GUCY2C: variants seen among roughly 807,000 people sequenced by gnomAD.
The protein encoded by GUCY2C is guanylyl cyclase C.
GUCY2C carries 118 observed loss-of-function variants against 131.1 expected under a neutral mutation model. That is an observed-to-expected ratio of 0.90 (90% CI 0.78 to 1.05). GUCY2C has a LOEUF of 1.05. Ranked by LOEUF, GUCY2C falls within the 50% of genes least tolerant of loss-of-function variation. The pLI, the probability that GUCY2C is intolerant of heterozygous loss-of-function variation, is 0.00. For missense variants in GUCY2C, 1,161 were observed against 1,304.4 expected (o/e 0.89, Z 1.69); for synonymous variants, 452 against 457.8 (o/e 0.99, Z 0.16).
chr12:14,692,353 G>T (rs954300687), intron 1 of GUCY2C, among the ~76,000 whole-genome samples: 130 of 151,326 alleles, frequency 8.6e-4, no homozygotes, highest in African/African-American at 2.4e-3. Context: ...CACTCGCTTT[G>T]TTTTTTTTCT....
At chr12:14,656,305 C>T (rs1366465162) in intron 12 of GUCY2C, among the ~76,000 whole-genome samples, 1 of 152,148 alleles carries the variant, frequency 6.6e-6, no homozygotes, top group Admixed American at 6.5e-5. Context: ...ATCTCAGCCT[C>T]CAGGGAAGTG....
chr12:14,669,810 A>G lies in GUCY2C; in HGVS notation c.1194T>C (p.Asp398=), dbSNP rs752732639. 6.3e-7 allele frequency: 1 copy of G among 1,585,928 alleles called. No homozygotes were observed. ...TKKYKVLLTY[D]THVNKTYPVD... ...CAGGATAGGTCTTATTTACGTGGGTATCATAGGTCAAAAGAACCTTGTACT... is the reference window on the plus strand; with the variant it reads ...CAGGATAGGTCTTATTTACGTGGGTGTCATAGGTCAAAAGAACCTTGTACT... Residue 398 remains aspartate (D), a synonymous_variant, in exon 10 of 27, where the codon GAT becomes GAC. Coordinates refer to ENST00000261170, the MANE Select transcript of GUCY2C (RefSeq NM_004963.4).
At position 14,681,484 on chromosome 12, in the gene GUCY2C, TA is replaced by T; in HGVS notation, c.612-8del. On this transcript the variant is annotated splice_region_variant and splice_polypyrimidine_tract_variant and intron_variant, in intron 4 of 26. Transcript: ENST00000261170. ...CTCCAGAGCATTAAGGTACCTGGAA[TA>T]GGAAAAAGAGAAACTAAAACAGCTT... 6.8e-7 allele frequency: 1 copy of T among 1,472,964 alleles called. No individual in the cohort carries two copies. Among genetic ancestry groups the T allele is most frequent in the Admixed American group, 2.2e-5 (1 of 45,058 alleles). The allele number at this position is 1,472,964 out of a possible 1,614,324, so 91.2% of individuals were successfully genotyped here. A position where few individuals can be genotyped will look rare whatever the true frequency, so the allele number is the denominator to read the frequency against.
intron 3 of GUCY2C, 58 bp downstream of exon 3, chr12:14,686,103 T>A: frequency 9.6e-7 from 1 of 1,040,752 alleles, no homozygotes; most frequent in South Asian, 1.3e-5. Context: ...TGTTGTTTGA[T>A]GAGTCCTTTA....
chr12:14,625,413 C>T lies in GUCY2C; in HGVS notation c.2408+344G>A, dbSNP rs10219619. 3.6e-3 allele frequency among the ~76,000 whole-genome samples: 551 copies of T among 151,904 alleles called. 2 individuals are homozygous for T. Among genetic ancestry groups the T allele is most frequent in the African/African-American group, 0.012 (502 of 41,378 alleles). Reference sequence around the variant, plus strand: ...CGCGATCTTGGCTCACTGCAACCTCCGCATCTTGGGTTCACTCCATTCTCC... The same window carrying T: ...CGCGATCTTGGCTCACTGCAACCTCTGCATCTTGGGTTCACTCCATTCTCC... On this transcript the variant is annotated intron_variant, in intron 21 of 26. Transcript: ENST00000261170.
At chr12:14,652,081 C>A in intron 13 of GUCY2C, 51 bp from the exon 14 acceptor site, 1 of 986,540 alleles carries the variant, frequency 1.0e-6, no homozygotes, top group South Asian at 1.3e-5. Context: ...TAACTCTTTA[C>A]ATGCATATTA....
chr12:14,694,612 G>T (rs775713481), intron 1 of GUCY2C, among the ~76,000 whole-genome samples: 9 of 152,268 alleles, frequency 5.9e-5, no homozygotes, highest in Admixed American at 1.3e-4. Context: ...CGGTAAATAA[G>T]GGGACTTCAC....
At position 14,619,206 on chromosome 12, in the gene GUCY2C, C is replaced by T. The variant is rs937063178; in HGVS notation, c.2875+5G>A. 6 of 1,552,792 alleles carry T rather than the reference C, an allele frequency of 3.9e-6. No homozygotes were observed. Among genetic ancestry groups the T allele is most frequent in the Non-Finnish European group, 5.3e-6 (6 of 1,124,490 alleles). ...TCCTCTGAGAAAAACAGTCTCCCTT[C>T]TTACGGAGGCCAGTGGATTCCATCC... On this transcript the variant is annotated splice_donor_5th_base_variant and intron_variant, in intron 24 of 26. Coordinates refer to ENST00000261170, the MANE Select transcript of GUCY2C (RefSeq NM_004963.4).
intron 19 of GUCY2C, among the ~76,000 whole-genome samples, chr12:14,629,620 T>C (rs1035097273): frequency 2.0e-5 from 3 of 152,250 alleles, no homozygotes; most frequent in Non-Finnish European, 4.4e-5. Context: ...TGCATCTTGT[T>C]ATTGGGCCAC....
rs546202739 is a variant in GUCY2C, at chr12:14,678,830, T to G, written c.830+827A>C. ...ACACCTTCTTCAAGCCTAACTTGACTCAAATATTACTTTGGCACAGCTTGT... is the reference window on the plus strand; with the variant it reads ...ACACCTTCTTCAAGCCTAACTTGACGCAAATATTACTTTGGCACAGCTTGT... On this transcript the variant is annotated intron_variant, in intron 6 of 26. Coordinates refer to ENST00000261170, the MANE Select transcript of GUCY2C (RefSeq NM_004963.4). Among the ~76,000 whole-genome samples, 7 of 152,270 alleles carry G rather than the reference T, an allele frequency of 4.6e-5. No individual in the cohort carries two copies. The East Asian group carries it at 1.3e-3, about 29-fold the overall frequency.
chr12:14,632,572 T>C (rs1025030122), intron 19 of GUCY2C, among the ~76,000 whole-genome samples: 2 of 152,202 alleles, frequency 1.3e-5, no homozygotes. Context: ...TCTCTATTCT[T>C]TTTAGATGTT....
intron 9 of GUCY2C, 117 bp from the exon 10 acceptor site, chr12:14,669,950 A>C: frequency 1.9e-6 from 1 of 536,482 alleles, no homozygotes; most frequent in Admixed American, 3.8e-5. Flanking sequence ...TCTCAGTGAA[A>C]AAAGGCAACT....
At chr12:14,686,127 T>C in intron 3 of GUCY2C, 34 bp downstream of exon 3, 2 of 1,294,042 alleles carry the variant, frequency 1.5e-6, no homozygotes, top group Non-Finnish European at 2.2e-6. Context: ...TGCAATATCA[T>C]GTCCTGACTT....
chr12:14,640,336 C>T (rs949568109), intron 18 of GUCY2C, among the ~76,000 whole-genome samples: 7 of 151,530 alleles, frequency 4.6e-5, no homozygotes, highest in African/African-American at 1.7e-4. Context: ...GTGCACCTGT[C>T]GTCCCAGCTA....
At chr12:14,695,803 C>T (rs1948645667) in intron 1 of GUCY2C, among the ~76,000 whole-genome samples, 1 of 152,002 alleles carries the variant, frequency 6.6e-6, no homozygotes, top group Admixed American at 6.6e-5. Context: ...TGGAACCGGG[C>T]AATAAACTGA....
At chr12:14,681,830 G>A (rs1948353645) in intron 4 of GUCY2C, among the ~76,000 whole-genome samples, 1 of 152,156 alleles carries the variant, frequency 6.6e-6, no homozygotes, top group Non-Finnish European at 1.5e-5. Context: ...ATTTGTGATG[G>A]TTTCTGGCTG....
chr12:14,680,631 A>G (rs1948329995), intron 5 of GUCY2C, among the ~76,000 whole-genome samples: 1 of 152,188 alleles, frequency 6.6e-6, no homozygotes, highest in South Asian at 2.1e-4. Flanking sequence ...AATTCTGTGG[A>G]AAGTGCAACA....
chr12:14,693,645 T>C, intron 1 of GUCY2C, among the ~76,000 whole-genome samples: 1 of 152,256 alleles, frequency 6.6e-6, no homozygotes, highest in East Asian at 1.9e-4. Flanking sequence ...TTGTGTTTAC[T>C]ATGCATGCAT....
At chr12:14,622,874 A>C (rs1946923757) in intron 21 of GUCY2C, among the ~76,000 whole-genome samples, 1 of 151,514 alleles carries the variant, frequency 6.6e-6, no homozygotes, top group Non-Finnish European at 1.5e-5. Flanking sequence ...GAGGAGCAGC[A>C]TATCAGATTC....
Sources: gnomAD v4.1 joint callset for allele counts (sites outside exome capture counted in the v4.1 genomes callset) on GRCh38, gnomAD v4.1.1 for gene constraint, MANE v1.5 for transcripts, NCBI Gene and HGNC (gene_info 2026-07-23, HGNC 2026-07-21) for gene names.